ZNF544: variants seen among roughly 807,000 people sequenced by gnomAD.
ZNF544 encodes the protein zinc finger protein 544.
A neutral mutation model predicts 13.5 loss-of-function variants in ZNF544; 10 were observed. The observed-to-expected ratio is 0.74, with a 90% confidence interval of 0.46 to 1.25. The LOEUF (loss-of-function observed/expected upper bound fraction) is 1.25, where lower values mean the gene tolerates loss of function less well. Among genes scored for constraint, ZNF544 ranks in the 50% most tolerant of loss-of-function variants. The pLI is 0.00. For synonymous variants in ZNF544, 323 were observed against 300.5 expected, an observed-to-expected ratio of 1.07 and a Z score of -0.77; for missense variants, 896 against 845.6, an observed-to-expected ratio of 1.06 and a Z score of -0.74.
chr19:58,237,222 C>G (rs1226348792), intron 3 of ZNF544, among the ~76,000 whole-genome samples: 18 of 152,224 alleles, frequency 1.2e-4, no homozygotes, highest in African/African-American at 4.1e-4. Flanking sequence ...CGCCACCACA[C>G]CTGGCTAATT....
chr19:58,242,692 CTTTGTTTTGT>C (rs556635917), intron 3 of ZNF544, among the ~76,000 whole-genome samples: 2 of 151,594 alleles, frequency 1.3e-5, no homozygotes, highest in Non-Finnish European at 2.9e-5. Context: ...TTTGTGTTTT[CTTTGTTTTGT>C]TTTGTTTTGT....
chr19:58,256,557 GAAGAGCAAC>G (rs2047423486), intron 6 of ZNF544, among the ~76,000 whole-genome samples: 1 of 152,204 alleles, frequency 6.6e-6, no homozygotes, highest in Non-Finnish European at 1.5e-5. Context: ...ACGGTTACAA[GAAGAGCAAC>G]GGTACCACGT....
intron 6 of ZNF544, among the ~76,000 whole-genome samples, chr19:58,252,528 T>C (rs1486697818): frequency 6.6e-6 from 1 of 152,232 alleles, no homozygotes; most frequent in Non-Finnish European, 1.5e-5. Flanking sequence ...CTTACTACCT[T>C]GTTTCATAAA....
At chr19:58,236,514 AAAAG>A (rs1038034409) in intron 3 of ZNF544, among the ~76,000 whole-genome samples, 14 of 151,832 alleles carry the variant, frequency 9.2e-5, no homozygotes, top group South Asian at 2.1e-4. Flanking sequence ...AAAAAAAAAA[AAAAG>A]AAAGAAAACA....
At chr19:58,252,973 C>T (rs1027943610) in intron 6 of ZNF544, among the ~76,000 whole-genome samples, 3 of 152,188 alleles carry the variant, frequency 2.0e-5, no homozygotes, top group Admixed American at 6.5e-5. Context: ...GCACGTGCCG[C>T]CACACCCAGC....
intron 6 of ZNF544, chr19:58,251,447 G>A (rs745327664): frequency 2.0e-6 from 1 of 508,490 alleles, no homozygotes; most frequent in Non-Finnish European, 3.9e-6. Context: ...ACCCCAGAAG[G>A]CATGGCCAGT....
At position 58,254,839 on chromosome 19, in the gene ZNF544, A is replaced by T. The variant is rs561790885; in HGVS notation, c.245-6012A>T. ...GGAAGGATCCAGCGGTATGTGAAAG[A>T]CTGAGATTGAGAATTTCTTTCTTTC... On this transcript the variant is annotated intron_variant, in intron 6 of 6. Transcript: ENST00000687789. Among the ~76,000 whole-genome samples the T allele has an allele frequency of 2.7e-4, 41 of 150,850 alleles. 1 individual carries two copies. In the South Asian group the frequency reaches 7.8e-3, roughly 29 times the overall value.
At chr19:58,275,451 A>C (rs1177188243) in intron 5 of ZNF544, among the ~76,000 whole-genome samples, 6 of 152,032 alleles carry the variant, frequency 3.9e-5, no homozygotes, top group Non-Finnish European at 1.5e-5. Flanking sequence ...TCCCTGACCC[A>C]CACTTTAAGA....
At chr19:58,242,309 G>C in intron 3 of ZNF544, 4 of 983,010 alleles carry the variant, frequency 4.1e-6, no homozygotes, top group Non-Finnish European at 4.8e-6. Flanking sequence ...GAAGGGAAAG[G>C]TGAGAACTGC....
chr19:58,268,368 G>C (rs575930756), downstream of ZNF544, among the ~76,000 whole-genome samples: 1 of 152,238 alleles, frequency 6.6e-6, no homozygotes, highest in Admixed American at 6.5e-5. Context: ...ACCAGAACAG[G>C]CTCTTTGAAA....
chr19:58,238,203 A>AT (rs1954599590), intron 3 of ZNF544, among the ~76,000 whole-genome samples: 1 of 152,132 alleles, frequency 6.6e-6, no homozygotes, highest in Non-Finnish European at 1.5e-5. Flanking sequence ...GAGTGCTGGG[A>AT]TTACAGGTGT....
At chr19:58,274,123 A>G (rs1367356761) in intron 5 of ZNF544, among the ~76,000 whole-genome samples, 4 of 152,110 alleles carry the variant, frequency 2.6e-5, no homozygotes, top group East Asian at 3.8e-4. Flanking sequence ...TGTAGGTCCT[A>G]TCAATATTTG....
At chr19:58,239,413 C>T (rs2043097580) in intron 3 of ZNF544, among the ~76,000 whole-genome samples, 1 of 152,204 alleles carries the variant, frequency 6.6e-6, no homozygotes, top group Non-Finnish European at 1.5e-5. Flanking sequence ...AAAACTGCCC[C>T]CAGTTGAGGA....
rs1600394629 is a variant in ZNF544 at position 58,261,611 on chromosome 19, C to T, written c.1005C>T (p.Phe335=). The T allele has an allele frequency of 2.5e-6, 4 of 1,614,232 alleles. No homozygotes were observed. The East Asian group carries it at 8.9e-5, about 36-fold the overall frequency. ...PFRCEERCAA[F]PMASSFSDCN... ...GATGTGAGGAACGCTGTGCTGCCTTCCCCATGGCCTCATCTTTTTCTGACT... is the reference window on the plus strand; with the variant it reads ...GATGTGAGGAACGCTGTGCTGCCTTTCCCATGGCCTCATCTTTTTCTGACT... The change falls in exon 7 of 7, where the codon TTC becomes TTT. Residue 335 remains phenylalanine, a synonymous_variant. Transcript: ENST00000687789.
At position 58,243,978 on chromosome 19, in the gene ZNF544, G is replaced by A. The variant is rs367689089; in HGVS notation, c.-46G>A. The A allele has an allele frequency of 2.5e-5, 40 of 1,583,120 alleles. 1 individual carries two copies. In the African/African-American group the frequency reaches 4.3e-4, roughly 17 times the overall value. ...TTTCCACCCCAGACTGGTCTTCTGA[G>A]GACCTCTGCCCTCTACACAGCGGCC... On this transcript the variant is annotated 5_prime_UTR_variant, in exon 4 of 7. Coordinates refer to ENST00000687789, the MANE Select transcript of ZNF544 (RefSeq NM_014480.4).
intron 3 of ZNF544, among the ~76,000 whole-genome samples, chr19:58,235,076 C>T (rs1156959954): frequency 2.0e-5 from 3 of 152,032 alleles, no homozygotes; most frequent in Non-Finnish European, 4.4e-5. Flanking sequence ...GGATATGTTC[C>T]GAAATGTGTC....
At chr19:58,248,155 G>A (rs939339948) in intron 6 of ZNF544, among the ~76,000 whole-genome samples, 6 of 150,754 alleles carry the variant, frequency 4.0e-5, no homozygotes, top group African/African-American at 9.8e-5. Flanking sequence ...CTCATGATGC[G>A]CCCCCCTCAG....
chr19:58,255,429 T>C (rs2047082573), intron 6 of ZNF544, among the ~76,000 whole-genome samples: 2 of 152,184 alleles, frequency 1.3e-5, no homozygotes, highest in African/African-American at 4.8e-5. Context: ...TCCACCCGCC[T>C]TGGCCTCCCA....
chr19:58,262,662 A>G lies in ZNF544; in HGVS notation c.2056A>G (p.Lys686Glu). 1 of 1,614,122 alleles carries G rather than the reference A, an allele frequency of 6.2e-7. No individual in the cohort carries two copies. Among genetic ancestry groups the G allele is most frequent in the Non-Finnish European group, 8.5e-7 (1 of 1,179,982 alleles). The change falls in exon 7 of 7, where the codon AAA (lysine) becomes GAA (glutamate). Residue 686 changes from lysine (K) to glutamate (E), a missense_variant. Coordinates refer to ENST00000687789, the MANE Select transcript of ZNF544 (RefSeq NM_014480.4). ...CCATCACAGAATTCATTCTGGAGAG[A>G]AACCCTATGAATGTAGTGACTGTGG... ...LSHHRIHSGEKPYECSDCGKS... is the reference protein window; with the variant it reads ...LSHHRIHSGEEPYECSDCGKS...
Sources: gnomAD v4.1 joint callset for allele counts (sites outside exome capture counted in the v4.1 genomes callset) on GRCh38, gnomAD v4.1.1 for gene constraint, MANE v1.5 for transcripts, NCBI Gene and HGNC (gene_info 2026-07-23, HGNC 2026-07-21) for gene names.